GRB10: variants seen among roughly 807,000 people sequenced by gnomAD.
GRB10 encodes growth factor receptor-bound protein 10.
A neutral mutation model predicts 80.9 loss-of-function variants in GRB10; 20 were observed. The observed-to-expected ratio is 0.25, with a 90% CI of 0.17 to 0.36. The LOEUF (loss-of-function observed/expected upper bound fraction) is 0.36. GRB10 is among the 10% of genes least tolerant of loss of function. The probability of loss-of-function intolerance (pLI) is 1.00; values close to 1 mark genes in which losing one functional copy is unlikely to be tolerated. For missense variants in GRB10, 548 were observed against 747.7 expected, an observed-to-expected ratio of 0.73 and a Z score of 3.12; for synonymous variants, 291 against 291.5, an observed-to-expected ratio of 1.00 and a Z score of 0.02.
intron 7 of GRB10, 80 bp downstream of exon 7, chr7:50,669,642 G>C: frequency 1.4e-6 from 2 of 1,382,624 alleles, no homozygotes; most frequent in South Asian, 2.3e-5. Flanking sequence ...TCTTCCCAAA[G>C]TAATAATCTG....
intron 8 of GRB10, among the ~76,000 whole-genome samples, chr7:50,624,850 A>T (rs2052585373): frequency 6.6e-6 from 1 of 152,128 alleles, no homozygotes; most frequent in Admixed American, 6.5e-5. Flanking sequence ...ACAGGACCCA[A>T]AATTTGACAC....
intron 2 of GRB10, chr7:50,779,139 TAA>T (rs1015093947): frequency 3.5e-4 from 54 of 152,280 alleles, no homozygotes; most frequent in African/African-American, 1.2e-3. Flanking sequence ...TCTTACCAGG[TAA>T]AGTGTCCTCT....
chr7:50,691,741 G>C (rs59922444), intron 5 of GRB10, among the ~76,000 whole-genome samples: 274 of 152,280 alleles, frequency 1.8e-3, no homozygotes, highest in African/African-American at 6.3e-3. Context: ...AAGGATTATA[G>C]ATGATTTTTC....
At position 50,606,339 on chromosome 7, in the gene GRB10, C is replaced by T. The variant is rs746779082; in HGVS notation, c.1270G>A (p.Val424Met). The change falls in exon 14 of 19, where the codon GTG (valine) becomes ATG (methionine). Residue 424 changes from valine (V) to methionine (M), a missense_variant and splice_region_variant. By Grantham distance (21) the Val-to-Met change is conservative. Around this residue, in one of 4 missense-constraint regions of GRB10, gnomAD observed 270 missense variants for 433.6 expected, o/e 0.62. Transcript: ENST00000401949. ...KALLSPFSTPVRSVSENSLVA... is the reference protein window; with the variant it reads ...KALLSPFSTPMRSVSENSLVA... ...CTGAAGCTCCTGGCTTTACTTACCA[C>T]TGGCGTCGAGAACGGGGACAGCAAG... The T allele has an allele frequency of 2.5e-6, 4 of 1,613,426 alleles. No homozygotes were observed. In the South Asian group the frequency reaches 3.3e-5, roughly 13 times the overall value.
chr7:50,615,480 C>T (rs759329008), intron 11 of GRB10, among the ~76,000 whole-genome samples: 10 of 152,334 alleles, frequency 6.6e-5, no homozygotes, highest in Admixed American at 1.3e-4. Flanking sequence ...GCCCAGGTGT[C>T]GGCAGCTGCT....
At chr7:50,762,184 G>A (rs1452753357) in intron 2 of GRB10, among the ~76,000 whole-genome samples, 2 of 151,786 alleles carry the variant, frequency 1.3e-5, no homozygotes, top group African/African-American at 4.8e-5. Flanking sequence ...TAGTAAGATT[G>A]CGATCCCAGA....
chr7:50,610,785 G>A (rs920546386), intron 13 of GRB10, among the ~76,000 whole-genome samples: 7 of 152,168 alleles, frequency 4.6e-5, no homozygotes, highest in African/African-American at 1.7e-4. Flanking sequence ...ACACATCATT[G>A]TTAACACTGA....
At chr7:50,625,356 G>A (rs2052681634) in intron 8 of GRB10, among the ~76,000 whole-genome samples, 1 of 152,108 alleles carries the variant, frequency 6.6e-6, no homozygotes, top group South Asian at 2.1e-4. Flanking sequence ...TTGTATTTGG[G>A]TCAAACTATA....
chr7:50,733,587 T>C (rs2153693280), intron 3 of GRB10, among the ~76,000 whole-genome samples: 1 of 152,276 alleles, frequency 6.6e-6, no homozygotes, highest in Non-Finnish European at 1.5e-5. Context: ...ACTGGCACAA[T>C]GAAGGGAGCA....
chr7:50,681,084 A>G (rs1239467473), intron 5 of GRB10, among the ~76,000 whole-genome samples: 1 of 152,226 alleles, frequency 6.6e-6, no homozygotes, highest in Non-Finnish European at 1.5e-5. Context: ...CATTCTTTCT[A>G]AATAAAGCAC....
intron 11 of GRB10, 114 bp downstream of exon 11, chr7:50,616,096 G>C (rs948773079): frequency 1.7e-6 from 2 of 1,205,034 alleles, no homozygotes; most frequent in African/African-American, 3.0e-5. Flanking sequence ...AAGTTGTCCT[G>C]AGCTTGGAGG....
chr7:50,768,310 T>C (rs2076578195), intron 2 of GRB10, among the ~76,000 whole-genome samples: 1 of 152,188 alleles, frequency 6.6e-6, no homozygotes, highest in African/African-American at 2.4e-5. Context: ...TCTGCACTAA[T>C]TCTCTTTTTA....
At chr7:50,684,086 G>A (rs552928324) in intron 5 of GRB10, among the ~76,000 whole-genome samples, 1 of 152,094 alleles carries the variant, frequency 6.6e-6, no homozygotes, top group Non-Finnish European at 1.5e-5. Flanking sequence ...GCCGCCAGTG[G>A]AGGCTCATTA....
intron 7 of GRB10, among the ~76,000 whole-genome samples, chr7:50,653,343 G>C (rs1211651991): frequency 1.3e-5 from 2 of 152,158 alleles, no homozygotes; most frequent in Non-Finnish European, 2.9e-5. Context: ...GCATACATAA[G>C]GGCTTGCACA....
At chr7:50,704,032 A>C in intron 4 of GRB10, 124 bp from the exon 5 acceptor site, 1 of 681,106 alleles carries the variant, frequency 1.5e-6, no homozygotes, top group Non-Finnish European at 2.7e-6. Context: ...CCACTTACTT[A>C]CTTTTTCCAT....
upstream of GRB10, among the ~76,000 whole-genome samples, chr7:50,787,619 GC>G (rs2153715961): frequency 6.6e-6 from 1 of 152,202 alleles, no homozygotes; most frequent in African/African-American, 2.4e-5. Flanking sequence ...TGCCCTGCAG[GC>G]CTAGGTGGGG....
At chr7:50,697,069 T>C (rs1471912127) in intron 5 of GRB10, among the ~76,000 whole-genome samples, 2 of 152,206 alleles carry the variant, frequency 1.3e-5, no homozygotes, top group Non-Finnish European at 2.9e-5. Flanking sequence ...GGACAAATAG[T>C]GTATGGTCCC....
chr7:50,610,967 T>C (rs1279250971), intron 13 of GRB10, among the ~76,000 whole-genome samples: 2 of 151,918 alleles, frequency 1.3e-5, no homozygotes, highest in Non-Finnish European at 2.9e-5. Flanking sequence ...TCTTGGAGTA[T>C]ACTACCACTT....
chr7:50,672,359 C>T (rs756937500), intron 6 of GRB10, among the ~76,000 whole-genome samples: 20 of 152,194 alleles, frequency 1.3e-4, no homozygotes, highest in Middle Eastern at 3.2e-3. Context: ...TGCCTCCCTC[C>T]GAGGGCACTG....
Sources: gnomAD v4.1 joint callset for allele counts (sites outside exome capture counted in the v4.1 genomes callset) on GRCh38, gnomAD v4.1.1 for gene constraint, gnomAD v4.1.1 regional missense constraint, MANE v1.5 for transcripts, NCBI Gene and HGNC (gene_info 2026-07-23, HGNC 2026-07-21) for gene names.